The following CDYL variants were observed in gnomAD, a reference collection of about 807,000 sequenced individuals.
CDYL encodes the protein chromodomain Y-like protein.
In CDYL, 8 loss-of-function variants were observed where a neutral mutation model predicts 47.3. The observed-to-expected ratio is 0.17, with a 90% CI of 0.10 to 0.31. CDYL has a LOEUF of 0.31. CDYL is among the 10% of genes least tolerant of loss of function. The pLI is 1.00. For synonymous variants in CDYL, 266 were observed against 265.0 expected, an observed-to-expected ratio of 1.00 and a Z score of -0.04; for missense variants, 471 against 701.4, an observed-to-expected ratio of 0.67 and a Z score of 3.71.
chr6:4,712,573 A>C (rs1419136021), intron 1 of CDYL, among the ~76,000 whole-genome samples: 2 of 152,224 alleles, frequency 1.3e-5, no homozygotes, highest in Non-Finnish European at 2.9e-5. Flanking sequence ...GTGACAGGAC[A>C]GCTGCGGATG....
intron 1 of CDYL, among the ~76,000 whole-genome samples, chr6:4,793,153 A>AG (rs1758975446): frequency 6.6e-6 from 1 of 152,028 alleles, no homozygotes; most frequent in Non-Finnish European, 1.5e-5. Context: ...TCTTCCATCT[A>AG]CACCCTGGAA....
intron 1 of CDYL, among the ~76,000 whole-genome samples, chr6:4,781,515 A>G (rs937720682): frequency 6.6e-6 from 1 of 152,202 alleles, no homozygotes; most frequent in Non-Finnish European, 1.5e-5. Flanking sequence ...TTTGACAATA[A>G]TAGCCTATCT....
At chr6:4,724,285 A>C (rs942702302) in intron 2 of CDYL, 2 of 151,928 alleles carry the variant, frequency 1.3e-5, no homozygotes, top group East Asian at 1.9e-4. Flanking sequence ...TCCTGACTTC[A>C]TATAATCCAC....
At chr6:4,771,715 CTCTT>C (rs1758341510), upstream of CDYL, among the ~76,000 whole-genome samples, 1 of 152,258 alleles carries the variant, frequency 6.6e-6, no homozygotes, top group African/African-American at 2.4e-5. Flanking sequence ...TTCTCTCTCT[CTCTT>C]TCTCTCTCTG....
At chr6:4,718,136 C>G (rs1184877482) in intron 2 of CDYL, among the ~76,000 whole-genome samples, 1 of 151,986 alleles carries the variant, frequency 6.6e-6, no homozygotes, top group Non-Finnish European at 1.5e-5. Context: ...TAGACCAGGT[C>G]CCAGACATTC....
intron 1 of CDYL, among the ~76,000 whole-genome samples, chr6:4,840,315 T>G (rs1011011031): frequency 6.6e-6 from 1 of 152,188 alleles, no homozygotes; most frequent in East Asian, 1.9e-4. Context: ...GAAGAATCTT[T>G]AGGAGTTTCT....
In CDYL at chr6:4,715,824, A is replaced by T; in HGVS notation, c.46A>T (p.Lys16Ter). 3 of 1,614,190 alleles carry T rather than the reference A, an allele frequency of 1.9e-6. No individual in the cohort carries two copies. The highest frequency in any genetic ancestry group is 2.5e-6 in the Non-Finnish European group (3 of 1,180,030). The stretch of plus-strand genomic sequence containing the variant: ...CAGGTCAGCCTGGGGAAAAAGCAGG[A>T]AGAAAAACTGGCAATACGAGGGCCC... The change falls in exon 2 of 9, where the codon AAG (lysine) becomes TAG (stop). Residue 16 changes from lysine to a stop codon, truncating the protein, a stop_gained. Transcript: ENST00000328908. LOFTEE classifies it high-confidence loss of function.
At chr6:4,878,931 A>C (rs568946111) in intron 1 of CDYL, among the ~76,000 whole-genome samples, 1 of 151,638 alleles carries the variant, frequency 6.6e-6, no homozygotes, top group Non-Finnish European at 1.5e-5. Flanking sequence ...GTATTTTCTA[A>C]CATTTTTTGT....
chr6:4,858,103 G>C lies in CDYL; in HGVS notation c.25-33610G>C, dbSNP rs572713118. Among the ~76,000 whole-genome samples, 5 of 144,644 alleles carry C rather than the reference G, an allele frequency of 3.5e-5. No individual in the cohort carries two copies. The South Asian group carries it at 8.6e-4, about 25-fold the overall frequency. 94.9% of individuals were successfully genotyped at this position (144,644 alleles called of 152,430 possible). A position where few individuals can be genotyped will look rare whatever the true frequency, so the allele number is the denominator to read the frequency against. ...GCCCTTCAAAATTGTGCTTATTTCT[G>C]AATGCAAGAAGTTCAACTAGGAGCC... On this transcript the variant is annotated intron_variant, in intron 1 of 6. Transcript: ENST00000397588.
At chr6:4,837,230 G>C (rs1398424434) in intron 1 of CDYL, among the ~76,000 whole-genome samples, 1 of 152,148 alleles carries the variant, frequency 6.6e-6, no homozygotes, top group Non-Finnish European at 1.5e-5. Flanking sequence ...TACAACTTGA[G>C]TGACAATATA....
intron 2 of CDYL, among the ~76,000 whole-genome samples, chr6:4,726,354 G>T (rs999546321): frequency 1.3e-5 from 2 of 152,038 alleles, no homozygotes; most frequent in African/African-American, 4.8e-5. Context: ...GACCAACATG[G>T]TGAAACCCTG....
intron 1 of CDYL, among the ~76,000 whole-genome samples, chr6:4,814,051 A>G (rs1759603105): frequency 6.6e-6 from 1 of 151,204 alleles, no homozygotes. Flanking sequence ...AAGCATTGGG[A>G]TTACAGGATA....
chr6:4,773,158 A>G (rs1480283512), upstream of CDYL: 2 of 457,326 alleles, frequency 4.4e-6, no homozygotes, highest in African/African-American at 4.0e-5. The surrounding 1 kb of genome is among the most constrained non-coding windows in gnomAD (Gnocchi z 4.6). Context: ...ATGTTGGCCT[A>G]CAACAACGGG....
Position 4,794,650 on chromosome 6 carries a change from G to A in CDYL, c.24+17843G>A, listed in dbSNP as rs150553714. On this transcript the variant is annotated intron_variant, in intron 1 of 6. Transcript: ENST00000397588. ...ATGATTTCCTGAGATGGCCAGAAGG[G>A]ATTGCATCGAAGAGCATGGGGTGCA... Among the ~76,000 whole-genome samples, 622 of 152,258 alleles carry A rather than the reference G, an allele frequency of 4.1e-3. 1 individual carries two copies. Among genetic ancestry groups the A allele is most frequent in the African/African-American group, 0.014 (581 of 41,548 alleles).
At chr6:4,726,679 T>C (rs1218266750) in intron 2 of CDYL, among the ~76,000 whole-genome samples, 1 of 150,320 alleles carries the variant, frequency 6.7e-6, no homozygotes, top group Non-Finnish European at 1.5e-5. Context: ...CCAGCCTGGG[T>C]GAGAGAGTGA....
intron 3 of CDYL, among the ~76,000 whole-genome samples, chr6:4,770,901 G>A (rs1370686356): frequency 3.3e-5 from 5 of 151,986 alleles, no homozygotes; most frequent in African/African-American, 1.2e-4. Context: ...TCTTGCCCTA[G>A]CTCAAAATGT....
chr6:4,726,555 G>A (rs1757517472), intron 2 of CDYL, among the ~76,000 whole-genome samples: 2 of 140,816 alleles, frequency 1.4e-5, no homozygotes, highest in Admixed American at 1.5e-4. Context: ...AAAAAAATTA[G>A]CTGGATATGC....
At chr6:4,818,351 A>G in intron 1 of CDYL, among the ~76,000 whole-genome samples, 1 of 152,214 alleles carries the variant, frequency 6.6e-6, no homozygotes, top group East Asian at 1.9e-4. Flanking sequence ...AAACCTTTCT[A>G]AGAAAGATTG....
At chr6:4,859,957 A>C (rs1284945993) in intron 1 of CDYL, among the ~76,000 whole-genome samples, 1 of 149,372 alleles carries the variant, frequency 6.7e-6, no homozygotes, top group African/African-American at 2.5e-5. Context: ...GCTGGAGTGC[A>C]GTGGCGCAAT....
Sources: gnomAD v4.1 joint callset for allele counts (sites outside exome capture counted in the v4.1 genomes callset) on GRCh38, gnomAD v4.1.1 for gene constraint, Gnocchi (gnomAD v3.1) non-coding constraint, MANE v1.5 for transcripts, NCBI Gene and HGNC (gene_info 2026-07-23, HGNC 2026-07-21) for gene names.